Variants in SPIDR observed in about 807,000 individuals in gnomAD.
The protein encoded by SPIDR is scaffold protein involved in DNA repair, also known as DNA repair-scaffolding protein.
Under a neutral mutation model 104.6 loss-of-function variants are expected in SPIDR, and 93 were observed. That is an observed-to-expected ratio of 0.89 (90% confidence interval 0.75 to 1.06). The LOEUF is 1.06. Ranked by LOEUF, SPIDR falls within the 50% of genes least tolerant of loss-of-function variation. The pLI, the probability that SPIDR is intolerant of heterozygous loss-of-function variation, is 0.00. For synonymous variants in SPIDR, 431 were observed against 416.9 expected (o/e 1.03, Z -0.41); for missense variants, 1,154 against 1,111.2 (o/e 1.04, Z -0.55).
intron 10 of SPIDR, among the ~76,000 whole-genome samples, chr8:47,620,816 C>G (rs1285611717): frequency 2.0e-5 from 3 of 150,528 alleles, no homozygotes; most frequent in Non-Finnish European, 3.0e-5. Context: ...CGGGGTTTCA[C>G]CATGTTGGCC....
intron 2 of SPIDR, 120 bp downstream of exon 2, chr8:47,280,137 G>A: frequency 3.2e-6 from 3 of 937,998 alleles, no homozygotes; most frequent in South Asian, 3.0e-5. Context: ...ACTGTAACTG[G>A]TACACTCCTT....
chr8:47,619,512 G>GC (rs1262323166), intron 10 of SPIDR, among the ~76,000 whole-genome samples: 1 of 152,006 alleles, frequency 6.6e-6, no homozygotes, highest in East Asian at 1.9e-4. Context: ...TGGATCTTCT[G>GC]CCCCTTGGAA....
Position 47,472,867 on chromosome 8 carries a change from C to G in SPIDR, c.1097+32325C>G, listed in dbSNP as rs118181077. Among the ~76,000 whole-genome samples the G allele has an allele frequency of 3.9e-5, 6 of 152,344 alleles. No individual in the cohort carries two copies. The East Asian group carries it at 1.2e-3, about 29-fold the overall frequency. The stretch of plus-strand genomic sequence containing the variant: ...ATGCTTCATATCTAATGCAGCCTCT[C>G]AATGGGTCCATTTTTATTCTTTATC... On this transcript the variant is annotated intron_variant, in intron 8 of 19. Coordinates refer to ENST00000297423, the MANE Select transcript of SPIDR (RefSeq NM_001080394.4).
intron 10 of SPIDR, among the ~76,000 whole-genome samples, chr8:47,621,459 A>C (rs561023312): frequency 1.3e-5 from 2 of 152,076 alleles, no homozygotes; most frequent in African/African-American, 4.8e-5. Flanking sequence ...GGGTTATGTG[A>C]TCTCTTCATC....
At chr8:47,604,882 A>G (rs1416214061) in intron 10 of SPIDR, among the ~76,000 whole-genome samples, 4 of 152,226 alleles carry the variant, frequency 2.6e-5, no homozygotes, top group Non-Finnish European at 4.4e-5. Flanking sequence ...TAGATTGGAC[A>G]TGAATGTTTG....
At chr8:47,691,159 G>A (rs1163953759) in intron 11 of SPIDR, among the ~76,000 whole-genome samples, 2 of 151,662 alleles carry the variant, frequency 1.3e-5, no homozygotes, top group African/African-American at 4.8e-5. Context: ...CTGCATGGTG[G>A]TGCACGCCTG....
At chr8:47,411,229 C>T (rs1484896319) in intron 7 of SPIDR, among the ~76,000 whole-genome samples, 3 of 152,180 alleles carry the variant, frequency 2.0e-5, no homozygotes, top group East Asian at 1.9e-4. Flanking sequence ...CCTGAGGAAT[C>T]GCCACACTGA....
At chr8:47,323,838 T>C (rs2047209125) in intron 5 of SPIDR, among the ~76,000 whole-genome samples, 1 of 152,218 alleles carries the variant, frequency 6.6e-6, no homozygotes, top group Non-Finnish European at 1.5e-5. Flanking sequence ...ACAGAACCCA[T>C]GGACACCTTT....
chr8:47,504,255 G>A (rs1041174039), intron 8 of SPIDR, among the ~76,000 whole-genome samples: 8 of 152,146 alleles, frequency 5.3e-5, no homozygotes, highest in Admixed American at 2.0e-4. Flanking sequence ...CATTCTCCTC[G>A]TCACTTTGAG....
chr8:47,658,374 C>T (rs576279220), intron 10 of SPIDR, among the ~76,000 whole-genome samples: 27 of 149,928 alleles, frequency 1.8e-4, no homozygotes, highest in African/African-American at 5.2e-4. Flanking sequence ...GCCGAGATTG[C>T]GCCATTGCAC....
At chr8:47,431,983 C>T (rs1402522147) in intron 7 of SPIDR, among the ~76,000 whole-genome samples, 2 of 152,134 alleles carry the variant, frequency 1.3e-5, no homozygotes, top group African/African-American at 4.8e-5. Context: ...CTCCTGCTTA[C>T]AGCTTTATGA....
At chr8:47,671,087 T>C (rs1045966894) in intron 10 of SPIDR, among the ~76,000 whole-genome samples, 6 of 152,072 alleles carry the variant, frequency 3.9e-5, no homozygotes, top group Non-Finnish European at 8.8e-5. Flanking sequence ...TTTTTTTATT[T>C]ATTGTAGAGA....
chr8:47,456,548 G>A (rs2073011755), intron 8 of SPIDR, among the ~76,000 whole-genome samples: 1 of 151,850 alleles, frequency 6.6e-6, no homozygotes, highest in Non-Finnish European at 1.5e-5. Context: ...TAATAAACAT[G>A]TGGAAATTAA....
intron 5 of SPIDR, among the ~76,000 whole-genome samples, chr8:47,348,124 T>C (rs1372017541): frequency 2.0e-5 from 3 of 152,074 alleles, no homozygotes; most frequent in Admixed American, 6.6e-5. Flanking sequence ...CCTTCAGGAG[T>C]TCTTTTAGGG....
chr8:47,729,380 A>C (rs1401504039), intron 18 of SPIDR, 32 bp from the exon 19 acceptor site: 2 of 1,571,094 alleles, frequency 1.3e-6, no homozygotes. Context: ...TGTTGGAGGG[A>C]GTTTAACCCA....
intron 5 of SPIDR, among the ~76,000 whole-genome samples, chr8:47,303,977 T>C (rs1017586929): frequency 1.3e-5 from 2 of 152,142 alleles, no homozygotes; most frequent in South Asian, 2.1e-4. Context: ...GCACCTGGCC[T>C]GCGGTATTTT....
At chr8:47,465,332 A>G (rs1406139028) in intron 8 of SPIDR, among the ~76,000 whole-genome samples, 2 of 151,336 alleles carry the variant, frequency 1.3e-5, no homozygotes, top group Admixed American at 6.6e-5. Context: ...ACCAACTACC[A>G]TCATGATGAC....
chr8:47,269,448 G>C lies in SPIDR; in HGVS notation c.33+8457G>C, dbSNP rs951532514. 7.3e-5 allele frequency among the ~76,000 whole-genome samples: 11 copies of C among 151,564 alleles called. No individual in the cohort carries two copies. In the East Asian group the frequency reaches 2.1e-3, roughly 29 times the overall value. On this transcript the variant is annotated intron_variant, in intron 1 of 19. Coordinates refer to ENST00000297423, the MANE Select transcript of SPIDR (RefSeq NM_001080394.4). ...AATTTTTGTATTTTTAGTAGAAACG[G>C]GCTTTCACCATGTTGGCCGGGCTGG...
intron 8 of SPIDR, among the ~76,000 whole-genome samples, chr8:47,561,607 T>TTTTTG (rs1453180699): frequency 3.9e-5 from 6 of 152,202 alleles, no homozygotes; most frequent in African/African-American, 1.4e-4. Flanking sequence ...CCTTTTTGCC[T>TTTTTG]CCTCTGTACC....
Sources: gnomAD v4.1 joint callset for allele counts (sites outside exome capture counted in the v4.1 genomes callset) on GRCh38, gnomAD v4.1.1 for gene constraint, MANE v1.5 for transcripts, NCBI Gene and HGNC (gene_info 2026-07-23, HGNC 2026-07-21) for gene names.